Variants in CCNB3 observed in about 807,000 individuals in gnomAD.
The protein encoded by CCNB3 is cyclin B3.
CCNB3 carries 12 observed loss-of-function variants against 68.0 expected under a neutral mutation model. That is an observed-to-expected ratio of 0.18 (90% CI 0.11 to 0.29). The LOEUF (loss-of-function observed/expected upper bound fraction) is 0.29. Ranked by LOEUF, CCNB3 falls within the 10% of genes least tolerant of loss-of-function variation. The pLI is 1.00. For synonymous variants in CCNB3, 354 were observed against 388.9 expected, an observed-to-expected ratio of 0.91 and a Z score of 1.06; for missense variants, 904 against 993.1, an observed-to-expected ratio of 0.91 and a Z score of 1.21.
intron 8 of CCNB3, among the ~76,000 whole-genome samples, chrX:50,317,543 TTATGTATG>T (rs200015453): frequency 1.0e-5 from 1 of 99,683 alleles, no homozygotes; most frequent in African/African-American, 3.8e-5. Context: ...GTATTTAAAT[TTATGTATG>T]TATGTATGTA....
intron 1 of CCNB3, among the ~76,000 whole-genome samples, chrX:50,227,874 TA>T (rs1181693966): frequency 2.4e-5 from 2 of 83,900 alleles, no homozygotes; most frequent in Non-Finnish European, 4.4e-5. Flanking sequence ...AATATATAAA[TA>T]TATAGAGAGA....
chrX:50,220,086 A>G (rs1935644060), intron 1 of CCNB3, among the ~76,000 whole-genome samples: 1 of 111,668 alleles, frequency 9.0e-6, no homozygotes, highest in South Asian at 3.8e-4. Context: ...ATTGGTGGAT[A>G]GGAATGCTTG....
intron 5 of CCNB3, among the ~76,000 whole-genome samples, chrX:50,305,935 C>T (rs1921045106): frequency 9.9e-6 from 1 of 101,379 alleles, no homozygotes; most frequent in African/African-American, 3.7e-5. Context: ...GTGGCCACCA[C>T]ACCAGCTTTT....
rs1935619193 is a variant in CCNB3, at chrX:50,218,631, A to G, written c.-113+13681A>G. 4.5e-5 allele frequency among the ~76,000 whole-genome samples: 5 copies of G among 111,863 alleles called. 1 individual carries two copies. The South Asian group carries it at 1.9e-3, about 42-fold the overall frequency. On this transcript the variant is annotated intron_variant, in intron 1 of 12. Coordinates refer to ENST00000376042, the MANE Select transcript of CCNB3 (RefSeq NM_033031.3). The stretch of plus-strand genomic sequence containing the variant: ...TGAACTCATCCTTTTTTATGGCTGT[A>G]TAGTATTCCATGGTGTATATGTGCC...
At chrX:50,306,524 G>T (rs1312229115) in intron 5 of CCNB3, among the ~76,000 whole-genome samples, 7 of 111,976 alleles carry the variant, frequency 6.3e-5, no homozygotes, top group African/African-American at 2.3e-4. Context: ...AGTATCAAGA[G>T]TTGGACATTC....
intron 8 of CCNB3, among the ~76,000 whole-genome samples, chrX:50,337,738 TCACACCACACG>T (rs1194898239): frequency 9.0e-5 from 10 of 111,503 alleles, no homozygotes; most frequent in Non-Finnish European, 1.9e-4. Context: ...AACACCATGC[TCACACCACACG>T]CACACCACAA....
chrX:50,226,984 A>C (rs1243130980), intron 1 of CCNB3, among the ~76,000 whole-genome samples: 1 of 75,585 alleles, frequency 1.3e-5, no homozygotes, highest in African/African-American at 5.7e-5. Context: ...TATAGTATAT[A>C]TATAGAATAT....
At chrX:50,331,198 A>G (rs1233883958) in intron 8 of CCNB3, among the ~76,000 whole-genome samples, 1 of 111,432 alleles carries the variant, frequency 9.0e-6, no homozygotes, top group Non-Finnish European at 1.9e-5. Context: ...AGGAAGAAAG[A>G]TGGTTTAATA....
intron 5 of CCNB3, among the ~76,000 whole-genome samples, chrX:50,302,384 A>G (rs782249307): frequency 4.5e-5 from 5 of 112,231 alleles, no homozygotes; most frequent in Non-Finnish European, 7.5e-5. Flanking sequence ...AAAACTAGTA[A>G]TAGCTGCCAT....
chrX:50,328,982 T>C (rs1371278737), intron 8 of CCNB3, among the ~76,000 whole-genome samples: 1 of 112,577 alleles, frequency 8.9e-6, no homozygotes, highest in Non-Finnish European at 1.9e-5. Flanking sequence ...ACAATCTCCT[T>C]TGACTCCGTG....
chrX:50,305,772 CTTTCT>C (rs561279149), intron 5 of CCNB3, among the ~76,000 whole-genome samples: 2 of 77,180 alleles, frequency 2.6e-5, no homozygotes, highest in African/African-American at 4.6e-5. Context: ...TTTTTTCTTT[CTTTCT>C]TTTTTTTTTT....
At chrX:50,223,908 G>A (rs1436355759) in intron 1 of CCNB3, among the ~76,000 whole-genome samples, 4 of 112,078 alleles carry the variant, frequency 3.6e-5, no homozygotes, top group African/African-American at 9.7e-5. Context: ...GGAGATGGGA[G>A]TTTTATCTAT....
intron 4 of CCNB3, among the ~76,000 whole-genome samples, chrX:50,290,460 C>T (rs1253686383): frequency 9.0e-6 from 1 of 111,716 alleles, no homozygotes; most frequent in Non-Finnish European, 1.9e-5. Context: ...GACTTAATCA[C>T]TTCTCAAAAG....
At chrX:50,347,861 G>A (rs1248968333) in intron 11 of CCNB3, 86 bp downstream of exon 11, 5 of 972,718 alleles carry the variant, frequency 5.1e-6, no homozygotes, top group South Asian at 2.6e-5. Context: ...TTAAGGCCAC[G>A]GGAAACTCTT....
chrX:50,209,505 G>A (rs1464909974), intron 1 of CCNB3, among the ~76,000 whole-genome samples: 1 of 110,717 alleles, frequency 9.0e-6, no homozygotes, highest in Non-Finnish European at 1.9e-5. Context: ...ATAGGTACCC[G>A]CCACTACGCC....
intron 8 of CCNB3, among the ~76,000 whole-genome samples, chrX:50,329,457 G>A (rs1461712467): frequency 8.9e-6 from 1 of 112,616 alleles, no homozygotes; most frequent in Non-Finnish European, 1.9e-5. Context: ...AGGGCTTATG[G>A]CTTGCACCCT....
chrX:50,227,811 AATATATAGAGAATATATAAAT>A (rs1323788734), intron 1 of CCNB3, among the ~76,000 whole-genome samples: 4 of 80,118 alleles, frequency 5.0e-5, no homozygotes, highest in East Asian at 6.7e-4. Flanking sequence ...AATAAATATA[AATATATAGAGAATATATAAAT>A]ATATATAGAG....
In CCNB3 at chrX:50,342,264, A is replaced by G. The variant is rs782707538; in HGVS notation, c.3579A>G (p.Leu1193=). 1.5e-5 allele frequency: 18 copies of G among 1,209,218 alleles called. No homozygotes were observed. The Admixed American group carries it at 3.9e-4, about 26-fold the overall frequency. The part of the protein sequence containing the change: ...YLAVKLVDLY[L]MKAVCKKDKL... The stretch of plus-strand genomic sequence containing the variant: ...CAGTGAAGCTGGTGGATCTCTACCT[A>G]ATGAAGGCAGTATGCAAGAAGGATA... Residue 1193 remains leucine (L), a synonymous_variant, in exon 9 of 13, where the codon CTA becomes CTG. Transcript: ENST00000376042.
At position 50,351,757 on chromosome X, in the gene CCNB3, C is replaced by T. The variant is rs782294979; in HGVS notation, c.*54C>T. ...TAACAGGGTATATTTATTCTATGTT[C>T]GAATTTGTCTTTTGATCGCTTTTAT... On this transcript the variant is annotated 3_prime_UTR_variant, in exon 13 of 13. Coordinates refer to ENST00000376042, the MANE Select transcript of CCNB3 (RefSeq NM_033031.3). The T allele has an allele frequency of 7.5e-5, 68 of 911,125 alleles. No individual in the cohort carries two copies. In the South Asian group the frequency reaches 1.3e-3, roughly 18 times the overall value. 75.1% of individuals were successfully genotyped at this position (911,125 alleles called of 1,213,427 possible).
Sources: allele counts gnomAD v4.1 joint callset (sites outside exome capture counted in the v4.1 genomes callset), GRCh38; gene constraint gnomAD v4.1.1; transcripts MANE v1.5; gene names NCBI Gene and HGNC (gene_info 2026-07-23, HGNC 2026-07-21).